The following DPF3 variants were observed in gnomAD, a reference collection of about 807,000 sequenced individuals.
DPF3 encodes the protein double PHD fingers 3, also known as zinc finger protein DPF3.
Under a neutral mutation model 56.8 loss-of-function variants are expected in DPF3, and 18 were observed. The ratio of observed to expected loss-of-function variants is 0.32; its 90% CI spans 0.22 to 0.47. The LOEUF is 0.47. Among genes scored for constraint, DPF3 ranks in the 20% least tolerant of loss-of-function variants. The pLI is 1.00. For missense variants in DPF3, 403 were observed against 488.8 expected, an observed-to-expected ratio of 0.82 and a Z score of 1.65; for synonymous variants, 188 against 180.2, an observed-to-expected ratio of 1.04 and a Z score of -0.35.
At chr14:72,646,899 G>GGTGGC (rs1567188431) in intron 8 of DPF3, among the ~76,000 whole-genome samples, 3 of 152,234 alleles carry the variant, frequency 2.0e-5, no homozygotes, top group Non-Finnish European at 4.4e-5. Flanking sequence ...CCCTGCCCTG[G>GGTGGC]AGTGGGTAGG....
chr14:72,743,482 A>T (rs972742918), intron 3 of DPF3, among the ~76,000 whole-genome samples: 1 of 152,058 alleles, frequency 6.6e-6, no homozygotes, highest in Non-Finnish European at 1.5e-5. Context: ...GTCCTAGACC[A>T]TGGGGACCGA....
chr14:72,854,082 C>T lies in DPF3; in HGVS notation c.32+39975G>A, dbSNP rs145815026. On this transcript the variant is annotated intron_variant, in intron 1 of 10. Coordinates refer to ENST00000556509, the MANE Select transcript of DPF3 (RefSeq NM_001280542.3). Reference sequence around the variant, plus strand: ...TATTAAAGTCATCTTTTTGGCCAGGCGCAGTGCCTCACACCTGTAATCCCA... The same window carrying T: ...TATTAAAGTCATCTTTTTGGCCAGGTGCAGTGCCTCACACCTGTAATCCCA... 1.3e-3 allele frequency among the ~76,000 whole-genome samples: 204 copies of T among 152,260 alleles called. 4 individuals carry two copies. The highest frequency in any genetic ancestry group is 3.9e-4 in the East Asian group (2 of 5,184).
intron 8 of DPF3, among the ~76,000 whole-genome samples, chr14:72,655,671 A>G (rs2107685): frequency 0.079 from 12,059 of 152,304 alleles, 946 homozygotes; most frequent in African/African-American, 0.2. Flanking sequence ...TCATGCTACC[A>G]AAACAATGGA....
At chr14:72,758,519 C>T (rs1316839223) in intron 2 of DPF3, among the ~76,000 whole-genome samples, 2 of 152,002 alleles carry the variant, frequency 1.3e-5, no homozygotes, top group African/African-American at 4.8e-5. Context: ...TGTGGAGATC[C>T]AGAGGGTCCC....
chr14:72,688,873 T>C (rs569959920), intron 7 of DPF3, among the ~76,000 whole-genome samples: 1 of 152,170 alleles, frequency 6.6e-6, no homozygotes, highest in East Asian at 1.9e-4. Context: ...AAAAGCACTA[T>C]TTCCCAGAGG....
intron 1 of DPF3, among the ~76,000 whole-genome samples, chr14:72,813,119 G>T (rs1438852468): frequency 6.6e-6 from 1 of 152,160 alleles, no homozygotes; most frequent in African/African-American, 2.4e-5. Context: ...ATCCAAACAA[G>T]GTCCCAGCAT....
chr14:72,714,720 T>A (rs4903049), intron 5 of DPF3, among the ~76,000 whole-genome samples: 4 of 152,108 alleles, frequency 2.6e-5, no homozygotes, highest in African/African-American at 7.2e-5. Context: ...TGTTCACAAC[T>A]CCAAGAGGTG....
intron 10 of DPF3, 57 bp from the exon 11 acceptor site, chr14:72,619,424 C>A: frequency 6.6e-7 from 1 of 1,510,054 alleles, no homozygotes; most frequent in Non-Finnish European, 8.9e-7. Context: ...GGAGCCCCAC[C>A]CCACTGGCCC....
intron 9 of DPF3, among the ~76,000 whole-genome samples, chr14:72,626,799 G>A (rs1884858320): frequency 6.6e-6 from 1 of 152,050 alleles, no homozygotes; most frequent in African/African-American, 2.4e-5. Context: ...CACCAACAAT[G>A]TATGAAGGCA....
chr14:72,642,261 G>T (rs1885587399), intron 8 of DPF3, among the ~76,000 whole-genome samples: 2 of 152,246 alleles, frequency 1.3e-5, no homozygotes, highest in African/African-American at 4.8e-5. Context: ...GTTTTAAGCT[G>T]CCAAGTTGGG....
intron 1 of DPF3, among the ~76,000 whole-genome samples, chr14:72,890,693 C>A (rs1886717019): frequency 6.6e-6 from 1 of 152,110 alleles, no homozygotes; most frequent in Non-Finnish European, 1.5e-5. Flanking sequence ...TTTGCTCAGA[C>A]AATGTAGCTG....
Position 72,617,080 on chromosome 14 carries a change from A to T in DPF3, c.*2217T>A, listed in dbSNP as rs574515216. On this transcript the variant is annotated 3_prime_UTR_variant, in exon 11 of 11. Transcript: ENST00000556509. ...TTCCAGTGCCCTGCCTTGGCCTGGG[A>T]GACCCAGCTGAGGCTCAGCTTGTGT... Among the ~76,000 whole-genome samples the T allele has an allele frequency of 3.9e-5, 6 of 152,310 alleles. No individual in the cohort carries two copies. The South Asian group carries it at 1.0e-3, about 26-fold the overall frequency.
intron 3 of DPF3, among the ~76,000 whole-genome samples, chr14:72,746,231 G>A (rs548009220): frequency 6.6e-6 from 1 of 152,386 alleles, no homozygotes; most frequent in East Asian, 1.9e-4. Context: ...CCTCTGGGAA[G>A]ACAGTGGGTA....
chr14:72,664,550 A>C (rs1886365685), intron 8 of DPF3, among the ~76,000 whole-genome samples: 2 of 151,642 alleles, frequency 1.3e-5, no homozygotes, highest in Admixed American at 1.3e-4. Flanking sequence ...CCCTCCACAC[A>C]CATGGTCAAC....
chr14:72,700,200 CCTT>C (rs1196027330), intron 6 of DPF3, among the ~76,000 whole-genome samples: 1 of 152,150 alleles, frequency 6.6e-6, no homozygotes, highest in African/African-American at 2.4e-5. Context: ...CACTGTTTCT[CCTT>C]CTGTGTTTAA....
At chr14:72,630,007 A>G (rs1486669288) in intron 8 of DPF3, among the ~76,000 whole-genome samples, 1 of 152,206 alleles carries the variant, frequency 6.6e-6, no homozygotes, top group African/African-American at 2.4e-5. Context: ...TGAAGATGGA[A>G]AACAATGATC....
chr14:72,830,857 A>C (rs1203077069), intron 1 of DPF3, among the ~76,000 whole-genome samples: 4 of 152,178 alleles, frequency 2.6e-5, no homozygotes, highest in Non-Finnish European at 5.9e-5. Flanking sequence ...GACACATCTG[A>C]GTCCTTTTCT....
intron 8 of DPF3, among the ~76,000 whole-genome samples, chr14:72,673,295 G>A (rs1290278913): frequency 6.6e-6 from 1 of 152,156 alleles, no homozygotes; most frequent in Non-Finnish European, 1.5e-5. Flanking sequence ...GGATAGAAAG[G>A]TAGAAAGGAG....
chr14:72,822,977 C>T (rs1330146771), intron 1 of DPF3, among the ~76,000 whole-genome samples: 1 of 152,204 alleles, frequency 6.6e-6, no homozygotes, highest in Admixed American at 6.5e-5. Flanking sequence ...GCCCTCGCTC[C>T]CATCGGACTA....
Sources: allele counts gnomAD v4.1 joint callset (sites outside exome capture counted in the v4.1 genomes callset), GRCh38; gene constraint gnomAD v4.1.1; transcripts MANE v1.5; gene names NCBI Gene and HGNC (gene_info 2026-07-23, HGNC 2026-07-21).